The following SPOCK1 variants were observed in gnomAD, a reference collection of about 807,000 sequenced individuals.
SPOCK1 encodes the protein testican-1.
In SPOCK1, 23 loss-of-function variants were observed where a neutral mutation model predicts 55.3. The ratio of observed to expected loss-of-function variants is 0.42; its 90% CI spans 0.30 to 0.59. The LOEUF is 0.59. Among genes scored for constraint, SPOCK1 ranks in the 20% least tolerant of loss-of-function variants. SPOCK1 has a pLI of 0.22. For synonymous variants in SPOCK1, 226 were observed against 221.0 expected, an observed-to-expected ratio of 1.02 and a Z score of -0.20; for missense variants, 499 against 552.5, an observed-to-expected ratio of 0.90 and a Z score of 0.97.
intron 3 of SPOCK1, among the ~76,000 whole-genome samples, chr5:137,143,675 T>C (rs1419881849): frequency 2.0e-5 from 3 of 152,228 alleles, no homozygotes; most frequent in East Asian, 1.9e-4. Flanking sequence ...TTTGTGTTTG[T>C]CTTTTTTCCC....
chr5:137,121,564 A>T (rs1459121096), intron 4 of SPOCK1, among the ~76,000 whole-genome samples: 1 of 147,780 alleles, frequency 6.8e-6, no homozygotes, highest in African/African-American at 2.5e-5. Flanking sequence ...TAATATATTT[A>T]AATATATAAT....
At chr5:137,065,697 T>C (rs887978216) in intron 6 of SPOCK1, among the ~76,000 whole-genome samples, 3 of 152,242 alleles carry the variant, frequency 2.0e-5, no homozygotes, top group African/African-American at 7.2e-5. Flanking sequence ...GAGTGTTTTC[T>C]GTTTTTTCCT....
At chr5:137,227,563 T>C (rs1001466220) in intron 3 of SPOCK1, among the ~76,000 whole-genome samples, 10 of 152,180 alleles carry the variant, frequency 6.6e-5, no homozygotes, top group Non-Finnish European at 8.8e-5. Flanking sequence ...CTACCAGGCA[T>C]TGAGAATTGC....
chr5:137,111,544 G>C (rs1753471895), intron 5 of SPOCK1, among the ~76,000 whole-genome samples: 1 of 152,046 alleles, frequency 6.6e-6, no homozygotes, highest in South Asian at 2.1e-4. Flanking sequence ...ATGGTTGTCG[G>C]ATATGAAAAT....
In SPOCK1 at chr5:136,988,443, A is replaced by G; in HGVS notation, c.907T>C (p.Tyr303His). Reference sequence around the variant, plus strand: ...TTACCTCCAGGCTTCTGGAAGCAGTAGCACCACTCATTGTTAGAAAGCTTG... The same window carrying G: ...TTACCTCCAGGCTTCTGGAAGCAGTGGCACCACTCATTGTTAGAAAGCTTG... Reference protein sequence around the residue: ...DGKLSNNEWCYCFQKPGGLPC... With the variant: ...DGKLSNNEWCHCFQKPGGLPC... Residue 303 changes from tyrosine (Y) to histidine (H), a missense_variant, in exon 8 of 11, where the codon TAC becomes CAC. Tyr to His is a moderately conservative substitution (Grantham distance 83). Transcript: ENST00000394945. 6.2e-7 allele frequency: 1 copy of G among 1,614,110 alleles called. No homozygotes were observed. Among genetic ancestry groups the G allele is most frequent in the East Asian group, 2.2e-5 (1 of 44,876 alleles).
chr5:137,059,856 A>T (rs1752363785), intron 6 of SPOCK1, among the ~76,000 whole-genome samples: 1 of 152,220 alleles, frequency 6.6e-6, no homozygotes. Context: ...AAAATGCTCA[A>T]CATCACTAAT....
At chr5:137,274,435 T>C (rs1259901828) in intron 2 of SPOCK1, among the ~76,000 whole-genome samples, 1 of 152,208 alleles carries the variant, frequency 6.6e-6, no homozygotes, top group Non-Finnish European at 1.5e-5. Flanking sequence ...TCAATTTCTT[T>C]ATCCATAAAA....
intron 2 of SPOCK1, among the ~76,000 whole-genome samples, chr5:137,336,110 G>A (rs1193640780): frequency 6.6e-6 from 1 of 152,162 alleles, no homozygotes; most frequent in Non-Finnish European, 1.5e-5. Flanking sequence ...GCTAACACAG[G>A]AGTTTCTCCA....
intron 3 of SPOCK1, among the ~76,000 whole-genome samples, chr5:137,163,732 G>A (rs1385806727): frequency 6.6e-6 from 1 of 152,154 alleles, no homozygotes; most frequent in African/African-American, 2.4e-5. Flanking sequence ...TAGTGACCAG[G>A]CTAGATCGCG....
chr5:137,457,502 A>C (rs1753390400), intron 2 of SPOCK1, among the ~76,000 whole-genome samples: 1 of 92,072 alleles, frequency 1.1e-5, no homozygotes, highest in Admixed American at 1.4e-4. Flanking sequence ...CTCTGGATTG[A>C]CTATTCCTTC....
chr5:137,351,277 C>T (rs1488488796), intron 2 of SPOCK1, among the ~76,000 whole-genome samples: 1 of 152,264 alleles, frequency 6.6e-6, no homozygotes, highest in African/African-American at 2.4e-5. Context: ...ATGCCACTCA[C>T]TGGCTGTGTG....
chr5:137,006,089 GCTGTTTT>G (rs1230329526), intron 6 of SPOCK1, among the ~76,000 whole-genome samples: 1 of 152,208 alleles, frequency 6.6e-6, no homozygotes, highest in Non-Finnish European at 1.5e-5. Context: ...CCAGTAACAT[GCTGTTTT>G]GGTTACTGAA....
At chr5:137,381,212 C>T (rs10067086) in intron 2 of SPOCK1, among the ~76,000 whole-genome samples, 13,014 of 152,242 alleles carry the variant, frequency 0.085, 1,263 homozygotes, top group African/African-American at 0.24. Flanking sequence ...AGGGTGGGTT[C>T]CCAGGGCCTT....
chr5:137,479,951 C>G (rs958955770), intron 2 of SPOCK1, among the ~76,000 whole-genome samples: 4 of 152,100 alleles, frequency 2.6e-5, no homozygotes, highest in African/African-American at 9.7e-5. Flanking sequence ...GATGGTAAGC[C>G]TGGGAGGAAG....
intron 6 of SPOCK1, among the ~76,000 whole-genome samples, chr5:137,061,431 A>T (rs1307425677): frequency 6.6e-6 from 1 of 152,224 alleles, no homozygotes; most frequent in African/African-American, 2.4e-5. Context: ...ACACCGTTTG[A>T]GAAAAGAAAA....
intron 5 of SPOCK1, among the ~76,000 whole-genome samples, chr5:137,105,517 T>C (rs895622740): frequency 6.6e-6 from 1 of 152,192 alleles, no homozygotes; most frequent in Non-Finnish European, 1.5e-5. Flanking sequence ...GTCTTACACA[T>C]GCACAACCCT....
chr5:137,431,632 T>C (rs541995204), intron 2 of SPOCK1, among the ~76,000 whole-genome samples: 6 of 152,162 alleles, frequency 3.9e-5, no homozygotes, highest in Non-Finnish European at 8.8e-5. Flanking sequence ...AGTGAGTGAG[T>C]TCTTCCTCTG....
intron 3 of SPOCK1, among the ~76,000 whole-genome samples, chr5:137,206,346 A>G (rs1222986640): frequency 6.6e-6 from 1 of 152,222 alleles, no homozygotes; most frequent in Non-Finnish European, 1.5e-5. Flanking sequence ...CTCCTAGGCC[A>G]CCCACGCTGG....
chr5:137,191,451 T>C (rs1435579155), intron 3 of SPOCK1, among the ~76,000 whole-genome samples: 1 of 152,002 alleles, frequency 6.6e-6, no homozygotes, highest in Non-Finnish European at 1.5e-5. Flanking sequence ...ACACAAACCG[T>C]ACTCTAGGGT....
Sources: allele counts gnomAD v4.1 joint callset (sites outside exome capture counted in the v4.1 genomes callset), GRCh38; gene constraint gnomAD v4.1.1; transcripts MANE v1.5; gene names NCBI Gene and HGNC (gene_info 2026-07-23, HGNC 2026-07-21).